Variants in ITPR1 observed in about 807,000 individuals in gnomAD.
ITPR1 encodes inositol 1,4,5-trisphosphate receptor type 1.
Under a neutral mutation model 318.4 loss-of-function variants are expected in ITPR1, and 96 were observed. That is an observed-to-expected ratio of 0.30 (90% confidence interval 0.26 to 0.36). ITPR1 has a LOEUF of 0.36. Among genes scored for constraint, ITPR1 ranks in the 10% least tolerant of loss-of-function variants. The pLI, the probability that ITPR1 is intolerant of heterozygous loss-of-function variation, is 1.00. For missense variants in ITPR1, 2,440 were observed against 3,460.2 expected, an observed-to-expected ratio of 0.71 and a Z score of 7.40; for synonymous variants, 1,312 against 1,289.9, an observed-to-expected ratio of 1.02 and a Z score of -0.37.
rs191062559 is a variant in ITPR1, at chr3:4,841,405, G to A, written c.8190+4470G>A. Among the ~76,000 whole-genome samples, 210 of 152,294 alleles carry A rather than the reference G, an allele frequency of 1.4e-3. 1 individual carries two copies. The highest frequency in any genetic ancestry group is 4.8e-3 in the African/African-American group (200 of 41,558). The stretch of plus-strand genomic sequence containing the variant: ...CAGGAAAGGAATCAGCATGAGCAAC[G>A]GCATGAAAATGCATGGCATGCTCAA... On this transcript the variant is annotated intron_variant, in intron 61 of 61. Transcript: ENST00000649015.
intron 42 of ITPR1, among the ~76,000 whole-genome samples, chr3:4,731,842 A>T (rs558284366): frequency 6.6e-6 from 1 of 152,206 alleles, no homozygotes; most frequent in East Asian, 1.9e-4. Flanking sequence ...CTCCAGACCT[A>T]TTCTCAGAGC....
At chr3:4,843,732 C>T (rs936667835) in intron 61 of ITPR1, among the ~76,000 whole-genome samples, 10 of 151,922 alleles carry the variant, frequency 6.6e-5, no homozygotes, top group African/African-American at 1.5e-4. Flanking sequence ...AGGATAGGGA[C>T]GGAGGGAGGG....
At position 4,657,751 on chromosome 3, in the gene ITPR1, C is replaced by T. The variant is rs568986469; in HGVS notation, c.997-373C>T. ...AAGTGCTGGGATTACAGGTTTGAGC[C>T]ACTGCAGCCAGCCTGGGCTAATTTT... is the stretch of plus-strand genomic sequence containing the variant. On this transcript the variant is annotated intron_variant, in intron 12 of 61. Transcript: ENST00000649015. 1.4e-4 allele frequency among the ~76,000 whole-genome samples: 22 copies of T among 152,222 alleles called. No individual in the cohort carries two copies. The South Asian group carries it at 4.2e-3, about 29-fold the overall frequency.
chr3:4,528,697 G>C (rs1295925992), intron 4 of ITPR1, among the ~76,000 whole-genome samples: 1 of 152,106 alleles, frequency 6.6e-6, no homozygotes, highest in Admixed American at 6.5e-5. Flanking sequence ...GTTAAATAAG[G>C]CAGAAAAATC....
intron 60 of ITPR1, among the ~76,000 whole-genome samples, chr3:4,827,765 A>G (rs1206922212): frequency 6.6e-6 from 1 of 152,232 alleles, no homozygotes; most frequent in African/African-American, 2.4e-5. Flanking sequence ...GTCAGGGATC[A>G]GAGTACAAGG....
intron 24 of ITPR1, among the ~76,000 whole-genome samples, chr3:4,678,549 C>T (rs1388235400): frequency 1.3e-5 from 2 of 152,160 alleles, no homozygotes; most frequent in African/African-American, 4.8e-5. Flanking sequence ...CGAACAGGGG[C>T]TCCATCCACA....
At chr3:4,645,327 G>T in intron 8 of ITPR1, 60 bp from the exon 9 acceptor site, 1 of 1,154,630 alleles carries the variant, frequency 8.7e-7, no homozygotes, top group Non-Finnish European at 1.3e-6. Flanking sequence ...AAGTCTGGGG[G>T]CTGGATGACA....
rs775122266 is a variant in ITPR1, at chr3:4,658,181, G to C, written c.1054G>C (p.Val352Leu). ...SRLRNAQEKMVYSLVSVPEGN... is the reference protein window; with the variant it reads ...SRLRNAQEKMLYSLVSVPEGN... The stretch of plus-strand genomic sequence containing the variant: ...GTTGCGGAATGCCCAAGAAAAGATG[G>C]TATACTCCCTGGTCTCTGTGCCTGA... The change falls in exon 13 of 62, where the codon GTA becomes CTA. Residue 352 changes from valine (V) to leucine (L), a missense_variant. Val to Leu is a conservative substitution (Grantham distance 32, BLOSUM62 1). Around this residue, in one of 23 missense-constraint regions of ITPR1, gnomAD observed 101 missense variants for 119.6 expected, o/e 0.84. Transcript: ENST00000649015. 4 of 1,613,612 alleles carry C rather than the reference G, an allele frequency of 2.5e-6. No homozygotes were observed. In the South Asian group the frequency reaches 4.4e-5, roughly 18 times the overall value.
At chr3:4,592,338 T>C (rs2090457602) in intron 4 of ITPR1, among the ~76,000 whole-genome samples, 1 of 152,238 alleles carries the variant, frequency 6.6e-6, no homozygotes, top group Non-Finnish European at 1.5e-5. Context: ...ACATTGATGG[T>C]ATTCATTGTA....
chr3:4,718,155 C>T (rs550794240), intron 40 of ITPR1, among the ~76,000 whole-genome samples: 1 of 152,260 alleles, frequency 6.6e-6, no homozygotes, highest in East Asian at 1.9e-4. Context: ...TTCAGTATTC[C>T]TTGCTGTATT....
At chr3:4,603,791 C>T (rs2091488396) in intron 4 of ITPR1, among the ~76,000 whole-genome samples, 2 of 152,156 alleles carry the variant, frequency 1.3e-5, no homozygotes, top group African/African-American at 4.8e-5. Flanking sequence ...GTGAACAGCA[C>T]TGTGATGAAC....
chr3:4,818,902 T>C (rs2049489305), intron 60 of ITPR1, among the ~76,000 whole-genome samples: 1 of 152,188 alleles, frequency 6.6e-6, no homozygotes, highest in African/African-American at 2.4e-5. Flanking sequence ...CCAGCTGTCC[T>C]TTCAGACCTG....
At chr3:4,506,802 C>A (rs1262914664) in intron 2 of ITPR1, among the ~76,000 whole-genome samples, 1 of 152,156 alleles carries the variant, frequency 6.6e-6, no homozygotes, top group African/African-American at 2.4e-5. Context: ...CAAACTTATA[C>A]AGTGAGAGTC....
At chr3:4,819,939 G>C (rs537721187) in intron 60 of ITPR1, among the ~76,000 whole-genome samples, 3 of 152,346 alleles carry the variant, frequency 2.0e-5, no homozygotes, top group South Asian at 4.1e-4. Context: ...TTCAGAAGGA[G>C]CTGAGCCAGA....
At chr3:4,768,466 C>G in intron 45 of ITPR1, 45 bp from the exon 46 acceptor site, 2 of 1,552,308 alleles carry the variant, frequency 1.3e-6, no homozygotes, top group Non-Finnish European at 1.7e-6. Context: ...TGAATAGGGC[C>G]CATGAGGACT....
chr3:4,759,603 G>T (rs2125360820), intron 44 of ITPR1, among the ~76,000 whole-genome samples: 1 of 152,322 alleles, frequency 6.6e-6, no homozygotes, highest in Middle Eastern at 3.4e-3. Flanking sequence ...CTCTCCTGAA[G>T]TTCCAAGGAG....
At chr3:4,534,337 C>T (rs900319617) in intron 4 of ITPR1, among the ~76,000 whole-genome samples, 6 of 152,144 alleles carry the variant, frequency 3.9e-5, no homozygotes, top group African/African-American at 1.2e-4. Context: ...TTAGCTCCCC[C>T]GGTGGCGGCT....
At chr3:4,645,357 G>T (rs144540734) in intron 8 of ITPR1, 30 bp from the exon 9 acceptor site, 2 of 1,501,230 alleles carry the variant, frequency 1.3e-6, no homozygotes, top group Admixed American at 1.7e-5. Context: ...TGAGGGGTAC[G>T]TGAAAAAATA....
At chr3:4,724,074 C>G (rs1046292824) in intron 40 of ITPR1, among the ~76,000 whole-genome samples, 1 of 152,156 alleles carries the variant, frequency 6.6e-6, no homozygotes, top group African/African-American at 2.4e-5. Context: ...TCCTTCCCCA[C>G]TCATGTCCTT....
Sources: gnomAD v4.1 joint callset for allele counts (sites outside exome capture counted in the v4.1 genomes callset) on GRCh38, gnomAD v4.1.1 for gene constraint, gnomAD v4.1.1 regional missense constraint, MANE v1.5 for transcripts, NCBI Gene and HGNC (gene_info 2026-07-23, HGNC 2026-07-21) for gene names.